The following COL27A1 variants were observed in gnomAD, a reference collection of about 807,000 sequenced individuals.
COL27A1 encodes the protein collagen type XXVII alpha 1 chain.
A neutral mutation model predicts 251.3 loss-of-function variants in COL27A1; 106 were observed. That is an observed-to-expected ratio of 0.42 (90% confidence interval 0.36 to 0.50). The LOEUF (loss-of-function observed/expected upper bound fraction) is 0.50. Among genes scored for constraint, COL27A1 ranks in the 20% least tolerant of loss-of-function variants. The pLI, the probability that COL27A1 is intolerant of heterozygous loss-of-function variation, is 0.00. For synonymous variants in COL27A1, 1,000 were observed against 986.3 expected, an observed-to-expected ratio of 1.01 and a Z score of -0.26; for missense variants, 2,325 against 2,522.8, an observed-to-expected ratio of 0.92 and a Z score of 1.68.
intron 18 of COL27A1, 133 bp from the exon 19 acceptor site, chr9:114,237,529 C>G (rs1259621588): frequency 1.3e-6 from 1 of 753,404 alleles, no homozygotes; most frequent in African/African-American, 1.7e-5. Flanking sequence ...GTAGCTCCTT[C>G]TAGTTGTCCA....
intron 13 of COL27A1, among the ~76,000 whole-genome samples, chr9:114,221,599 A>T (rs1831116282): frequency 6.6e-6 from 1 of 152,190 alleles, no homozygotes; most frequent in Admixed American, 6.5e-5. Context: ...GCCATGGAAG[A>T]TCCATGTTTA....
chr9:114,190,908 G>T (rs948604656), intron 5 of COL27A1, among the ~76,000 whole-genome samples: 7 of 152,236 alleles, frequency 4.6e-5, no homozygotes. Flanking sequence ...TAAATGGTTA[G>T]TTAGACTTTG....
In COL27A1 at chr9:114,203,563, A is replaced by G. The variant is rs111427703; in HGVS notation, c.2125-1539A>G. ...TACACGCCCCAGCTAGAAGAATCACACCCAACCTTGTTGCATCAATCTCCA... is the reference window on the plus strand; with the variant it reads ...TACACGCCCCAGCTAGAAGAATCACGCCCAACCTTGTTGCATCAATCTCCA... On this transcript the variant is annotated intron_variant, in intron 7 of 60. Coordinates refer to ENST00000356083, the MANE Select transcript of COL27A1 (RefSeq NM_032888.4). Among the ~76,000 whole-genome samples, 883 of 152,210 alleles carry G rather than the reference A, an allele frequency of 5.8e-3. 6 individuals carry two copies. The highest frequency in any genetic ancestry group is 0.02 in the African/African-American group (833 of 41,536).
rs772650006 is a variant in COL27A1, at chr9:114,168,046, G to A, written c.491G>A (p.Arg164Gln). The change falls in exon 3 of 61, where the codon CGA (arginine) becomes CAA (glutamine). Residue 164 changes from arginine (R) to glutamine (Q), a missense_variant. By Grantham distance (43) the Arg-to-Gln change is conservative (BLOSUM62 1). Around this residue, in one of 4 missense-constraint regions of COL27A1, gnomAD observed 1,183 missense variants for 1,144.1 expected, o/e 1.03. Coordinates refer to ENST00000356083, the MANE Select transcript of COL27A1 (RefSeq NM_032888.4). Reference sequence around the variant, plus strand: ...TGGCACCACCTGGCCCTCGAGCTCCGAGGCCGCACAGTCACTCTGGTGACT... The same window carrying A: ...TGGCACCACCTGGCCCTCGAGCTCCAAGGCCGCACAGTCACTCTGGTGACT... ...GRWHHLALEL[R>Q]GRTVTLVTAC... 5.9e-5 allele frequency: 94 copies of A among 1,606,758 alleles called. No homozygotes were observed. The highest frequency in any genetic ancestry group is 9.3e-5 in the African/African-American group (7 of 74,930).
chr9:114,262,325 A>G (rs745328361), intron 28 of COL27A1, among the ~76,000 whole-genome samples: 2 of 152,246 alleles, frequency 1.3e-5, no homozygotes, highest in Non-Finnish European at 2.9e-5. Flanking sequence ...GCAACAGGCT[A>G]CGGCTAGCAC....
At chr9:114,291,703 C>T (rs1000128053) in intron 48 of COL27A1, among the ~76,000 whole-genome samples, 33 of 152,092 alleles carry the variant, frequency 2.2e-4, no homozygotes, top group African/African-American at 6.5e-4. Flanking sequence ...GAGTTGAGAT[C>T]GCACCACTGC....
intron 14 of COL27A1, among the ~76,000 whole-genome samples, chr9:114,227,590 G>A (rs563329344): frequency 2.2e-4 from 33 of 152,246 alleles, no homozygotes; most frequent in Non-Finnish European, 4.0e-4. Context: ...CATGGCAAAG[G>A]TGCCCAGAGT....
chr9:114,245,794 C>T, intron 23 of COL27A1, 72 bp from the exon 24 acceptor site: 1 of 1,443,110 alleles, frequency 6.9e-7, no homozygotes, highest in Non-Finnish European at 9.8e-7. Flanking sequence ...GGCCAGCAGG[C>T]CTGGGACTTC....
Position 114,243,495 on chromosome 9 carries a change from T to C in COL27A1, c.2881-12T>C, listed in dbSNP as rs202031664. 6.2e-7 allele frequency: 1 copy of C among 1,613,620 alleles called. No individual in the cohort carries two copies. Among genetic ancestry groups the C allele is most frequent in the African/African-American group, 1.3e-5 (1 of 75,004 alleles). ...GTCCAGCTTCTCCCACTTACCTGTC[T>C]CTCTGTTGCAGGGTCAGCCTGGCAG... On this transcript the variant is annotated splice_polypyrimidine_tract_variant and intron_variant, in intron 22 of 60. Coordinates refer to ENST00000356083, the MANE Select transcript of COL27A1 (RefSeq NM_032888.4).
intron 13 of COL27A1, among the ~76,000 whole-genome samples, chr9:114,220,920 A>G (rs1864722): frequency 0.73 from 109,813 of 150,454 alleles, 40,958 homozygotes; most frequent in South Asian, 0.89. Flanking sequence ...GCTTGAACCC[A>G]GGAGGTGGAG....
intron 27 of COL27A1, among the ~76,000 whole-genome samples, chr9:114,253,681 T>G (rs1833732773): frequency 6.6e-6 from 1 of 152,216 alleles, no homozygotes; most frequent in Non-Finnish European, 1.5e-5. Context: ...TCTCCAAGCC[T>G]GAATTTTGCT....
intron 59 of COL27A1, 30 bp from the exon 60 acceptor site, chr9:114,309,230 G>C (rs2131698846): frequency 1.2e-6 from 2 of 1,603,964 alleles, no homozygotes; most frequent in Non-Finnish European, 1.7e-6. Flanking sequence ...GGGGCAGCCT[G>C]AGCCGCTCAC....
At chr9:114,219,145 G>A (rs1830913504) in intron 12 of COL27A1, among the ~76,000 whole-genome samples, 1 of 152,168 alleles carries the variant, frequency 6.6e-6, no homozygotes, top group Admixed American at 6.5e-5. Context: ...TCCCCAGAGC[G>A]TGGAGCGGCC....
intron 24 of COL27A1, among the ~76,000 whole-genome samples, chr9:114,247,268 A>C (rs1833205347): frequency 6.6e-6 from 1 of 152,132 alleles, no homozygotes; most frequent in Non-Finnish European, 1.5e-5. Flanking sequence ...GTATTTTGAG[A>C]TCTCTGCAGC....
In COL27A1 at chr9:114,290,773, A is replaced by T; in HGVS notation, c.4369-37A>T. ...ATCTGCTTCCTTGGCTGTATCGTGA[A>T]ACACAAGAGACCCTCCTCTGCCTGC... On this transcript the variant is annotated intron_variant, in intron 47 of 60. Coordinates refer to ENST00000356083, the MANE Select transcript of COL27A1 (RefSeq NM_032888.4). The surrounding 1 kb of genome is among the most constrained non-coding windows in gnomAD (Gnocchi z 4.6). The T allele has an allele frequency of 6.8e-7, 1 of 1,474,732 alleles. No homozygotes were observed. The highest frequency in any genetic ancestry group is 1.3e-5 in the South Asian group (1 of 79,080). The allele number at this position is 1,474,732 out of a possible 1,614,324, so 91.4% of individuals were successfully genotyped here.
chr9:114,165,240 C>G (rs1848749301), intron 2 of COL27A1, among the ~76,000 whole-genome samples: 1 of 152,198 alleles, frequency 6.6e-6, no homozygotes, highest in Admixed American at 6.5e-5. Context: ...TTATAACATG[C>G]TGCCAGCACT....
rs1834644042 is a variant in COL27A1, at chr9:114,265,097, C to CG, written c.3327dup (p.Arg1110GlufsTer60). The CG allele has an allele frequency of 6.2e-7, 1 of 1,610,860 alleles. No homozygotes were observed. Among genetic ancestry groups the CG allele is most frequent in the Non-Finnish European group, 8.5e-7 (1 of 1,179,606 alleles). On this transcript the variant is annotated frameshift_variant, in exon 31 of 61. Transcript: ENST00000356083. LOFTEE classifies it high-confidence loss of function. ...GCTGGTGAGCGAGGCCACTTGGGCT[C>CG]GAGAGGCTTTCCTGTAAGTAGCACC...
intron 34 of COL27A1, 30 bp from the exon 35 acceptor site, chr9:114,269,211 C>T: frequency 6.4e-7 from 1 of 1,559,538 alleles, no homozygotes; most frequent in Non-Finnish European, 8.7e-7. Flanking sequence ...CCCTACCCAC[C>T]CGCAAGGACT....
In COL27A1 at chr9:114,240,506, C is replaced by G. The variant is rs1470381254; in HGVS notation, c.2835+19C>G. 1 of 1,603,604 alleles carries G rather than the reference C, an allele frequency of 6.2e-7. No individual in the cohort carries two copies. The highest frequency in any genetic ancestry group is 8.5e-7 in the Non-Finnish European group (1 of 1,177,888). ...GCCCGAGGTGAGACTGTCTGGCCCC[C>G]TCCACTGCCCATCCTGGCCTGATTG... On this transcript the variant is annotated intron_variant, in intron 21 of 60. Coordinates refer to ENST00000356083, the MANE Select transcript of COL27A1 (RefSeq NM_032888.4).
Sources: allele counts gnomAD v4.1 joint callset (sites outside exome capture counted in the v4.1 genomes callset), GRCh38; gene constraint gnomAD v4.1.1; regional missense constraint gnomAD v4.1.1; non-coding constraint Gnocchi (gnomAD v3.1); transcripts MANE v1.5; gene names NCBI Gene and HGNC (gene_info 2026-07-23, HGNC 2026-07-21).